Variants in ANKRD27 observed in about 807,000 individuals in gnomAD.
The protein encoded by ANKRD27 is ankyrin repeat domain-containing protein 27.
Under a neutral mutation model 129.7 loss-of-function variants are expected in ANKRD27, and 112 were observed. The observed-to-expected ratio is 0.86, with a 90% CI of 0.74 to 1.01. The LOEUF is 1.01. ANKRD27 is among the 50% of genes least tolerant of loss of function. ANKRD27 has a pLI of 0.00. For synonymous variants in ANKRD27, 516 were observed against 511.2 expected (o/e 1.01, Z -0.13); for missense variants, 1,258 against 1,300.5 (o/e 0.97, Z 0.50).
intron 26 of ANKRD27, among the ~76,000 whole-genome samples, chr19:32,600,494 T>C (rs1971635749): frequency 6.6e-6 from 1 of 152,080 alleles, no homozygotes; most frequent in African/African-American, 2.4e-5. Context: ...TGAGCCGAGA[T>C]TGCACCACCA....
intron 22 of ANKRD27, among the ~76,000 whole-genome samples, chr19:32,612,782 C>A (rs774956526): frequency 2.6e-5 from 4 of 152,158 alleles, no homozygotes; most frequent in Non-Finnish European, 4.4e-5. Context: ...CTAAATCTCA[C>A]ACTTTGAGTA....
rs115651827 is a variant in ANKRD27, at chr19:32,661,364, G to A, written c.-30-2319C>T. Reference sequence around the variant, plus strand: ...TTTTGAGACAGGGTTTCACACTGTCGCCCAGGCTAGAGCTGGAGTCCAATG... The same window carrying A: ...TTTTGAGACAGGGTTTCACACTGTCACCCAGGCTAGAGCTGGAGTCCAATG... On this transcript the variant is annotated intron_variant, in intron 1 of 28. Transcript: ENST00000306065. Among the ~76,000 whole-genome samples the A allele has an allele frequency of 5.4e-3, 813 of 151,950 alleles. 4 individuals carry two copies. The highest frequency in any genetic ancestry group is 0.018 in the African/African-American group (754 of 41,420).
rs575404535 is a variant in ANKRD27, at chr19:32,609,266, A to G, written c.2176-1434T>C. 2.6e-3 allele frequency among the ~76,000 whole-genome samples: 399 copies of G among 152,262 alleles called. 1 individual carries two copies. Among genetic ancestry groups the G allele is most frequent in the African/African-American group, 9.3e-3 (385 of 41,554 alleles). ...CATATCCTTACTATATAATCCAGCAATTATACTCCTAGGTGTTTACCCAAC... is the reference window on the plus strand; with the variant it reads ...CATATCCTTACTATATAATCCAGCAGTTATACTCCTAGGTGTTTACCCAAC... On this transcript the variant is annotated intron_variant, in intron 22 of 28. Transcript: ENST00000306065.
chr19:32,611,860 C>G lies in ANKRD27; in HGVS notation c.2175+3798G>C, dbSNP rs74558262. Among the ~76,000 whole-genome samples the G allele has an allele frequency of 2.0e-5, 3 of 152,214 alleles. No individual in the cohort carries two copies. The South Asian group carries it at 6.2e-4, about 32-fold the overall frequency. On this transcript the variant is annotated intron_variant, in intron 22 of 28. Coordinates refer to ENST00000306065, the MANE Select transcript of ANKRD27 (RefSeq NM_032139.3). ...CCTCCCAAAGTGCTGGGATTACAGG[C>G]GTGAGCCATCGTGCCCGGCCAAATT...
chr19:32,599,863 TTAG>T (rs1971624911), intron 27 of ANKRD27, 87 bp from the exon 28 acceptor site: 1 of 1,521,198 alleles, frequency 6.6e-7, no homozygotes, highest in South Asian at 1.1e-5. Context: ...ATTTTTGACA[TTAG>T]TAGGTGCAGA....
rs560007927 is a variant in ANKRD27, at chr19:32,659,727, G to A, written c.-30-682C>T. On this transcript the variant is annotated intron_variant, in intron 1 of 28. Coordinates refer to ENST00000306065, the MANE Select transcript of ANKRD27 (RefSeq NM_032139.3). ...TTAAGGAATCGTCACATTTTGCCATGTTTGCCTCAGATTTTCTTTTAAGAA... is the reference window on the plus strand; with the variant it reads ...TTAAGGAATCGTCACATTTTGCCATATTTGCCTCAGATTTTCTTTTAAGAA... 2.2e-3 allele frequency among the ~76,000 whole-genome samples: 334 copies of A among 152,124 alleles called. 1 individual carries two copies. The highest frequency in any genetic ancestry group is 6.8e-3 in the Middle Eastern group (2 of 294).
In ANKRD27 at chr19:32,600,007, T is replaced by C; in HGVS notation, c.2811A>G (p.Arg937=). The C allele has an allele frequency of 6.2e-7, 1 of 1,613,240 alleles. No homozygotes were observed. Among genetic ancestry groups the C allele is most frequent in the Non-Finnish European group, 8.5e-7 (1 of 1,179,356 alleles). Residue 937 remains arginine, a synonymous_variant, in exon 27 of 29, where the codon AGA becomes AGG. Transcript: ENST00000306065. ...CAGCTGAGTGGACAAAGTAAAACTG[T>C]CTTGTAAAAGGCTCATCTGGTAGAT... The part of the protein sequence containing the change: ...LYDLPDEPFT[R]QFYFVHSAGQ...
intron 1 of ANKRD27, 65 bp from the exon 2 acceptor site, chr19:32,659,110 G>T: frequency 1.4e-6 from 1 of 717,252 alleles, no homozygotes; most frequent in Non-Finnish European, 2.4e-6. Flanking sequence ...ATGAAAGTCT[G>T]CATCTGATGC....
rs1599747763 is a variant in ANKRD27 at position 32,625,820 on chromosome 19, C to G, written c.1629+54G>C. The stretch of plus-strand genomic sequence containing the variant: ...ACATTAATGAGAAATCCCGACTTCT[C>G]TACGAGTGGGAAAGGGTGAACGCAG... On this transcript the variant is annotated intron_variant, in intron 17 of 28. Coordinates refer to ENST00000306065, the MANE Select transcript of ANKRD27 (RefSeq NM_032139.3). 8 of 1,375,664 alleles carry G rather than the reference C, an allele frequency of 5.8e-6. No individual in the cohort carries two copies. In the East Asian group the frequency reaches 2.0e-4, roughly 35 times the overall value. 85.2% of individuals were successfully genotyped at this position (1,375,664 alleles called of 1,614,324 possible).
At position 32,597,329 on chromosome 19, in the gene ANKRD27, T is replaced by A. The variant is rs1176978921; in HGVS notation, c.*816A>T. ...CTCTGACCTGGTTTGTGCTGTTAAGTTTTGAATTTGAATCAAAAGACTAAG... is the reference window on the plus strand; with the variant it reads ...CTCTGACCTGGTTTGTGCTGTTAAGATTTGAATTTGAATCAAAAGACTAAG... On this transcript the variant is annotated 3_prime_UTR_variant, in exon 29 of 29. Coordinates refer to ENST00000306065, the MANE Select transcript of ANKRD27 (RefSeq NM_032139.3). 1 of 152,586 alleles carries A rather than the reference T, an allele frequency of 6.6e-6. No individual in the cohort carries two copies. Among genetic ancestry groups the A allele is most frequent in the African/African-American group, 2.4e-5 (1 of 41,438 alleles). 9.5% of individuals were successfully genotyped at this position (152,586 alleles called of 1,614,324 possible).
rs1201239691 is a variant in ANKRD27, at chr19:32,598,226, T to G, written c.3072A>C (p.Val1024=). 1 of 1,614,198 alleles carries G rather than the reference T, an allele frequency of 6.2e-7. No homozygotes were observed. The highest frequency in any genetic ancestry group is 1.7e-5 in the Admixed American group (1 of 60,014). Residue 1024 remains valine (V), a synonymous_variant, in exon 29 of 29, where the codon GTA becomes GTC. Transcript: ENST00000306065. ...GHRRMLRRHT[V]EDAVVSQGPE... is the part of the protein sequence containing the mutation. ...GGCCCTGGGACACGACCGCATCCTC[T>G]ACCGTGTGTCTCCGCAGCATCCGTC...
chr19:32,635,275 C>T (rs1295547500), intron 12 of ANKRD27, among the ~76,000 whole-genome samples: 1 of 152,160 alleles, frequency 6.6e-6, no homozygotes, highest in Non-Finnish European at 1.5e-5. Context: ...CAATCTGTTT[C>T]TTGCCCTGCA....
intron 12 of ANKRD27, among the ~76,000 whole-genome samples, chr19:32,636,744 T>G (rs868039170): frequency 1.6e-5 from 2 of 128,736 alleles, no homozygotes; most frequent in Admixed American, 1.5e-4. Context: ...TATATATTTT[T>G]TATATATATA....
intron 2 of ANKRD27, among the ~76,000 whole-genome samples, chr19:32,651,977 T>A (rs955797941): frequency 6.6e-6 from 1 of 152,174 alleles, no homozygotes; most frequent in Non-Finnish European, 1.5e-5. Flanking sequence ...GAGCATTTCA[T>A]AGCAACCAGA....
At position 32,597,833 on chromosome 19, in the gene ANKRD27, C is replaced by G; in HGVS notation, c.*312G>C. 2.5e-6 allele frequency: 1 copy of G among 394,362 alleles called. No individual in the cohort carries two copies. The highest frequency in any genetic ancestry group is 2.8e-5 in the South Asian group (1 of 35,532). The allele number at this position is 394,362 out of a possible 1,614,324, so 24.4% of individuals were successfully genotyped here. On this transcript the variant is annotated 3_prime_UTR_variant, in exon 29 of 29. Transcript: ENST00000306065. Reference sequence around the variant, plus strand: ...AGGAGGTCAGAATGCGGTGGTGAAACCTCTCCCACTGTGACCAACAAACCC... The same window carrying G: ...AGGAGGTCAGAATGCGGTGGTGAAAGCTCTCCCACTGTGACCAACAAACCC...
chr19:32,623,581 G>A (rs557379206), intron 17 of ANKRD27, among the ~76,000 whole-genome samples: 1 of 147,276 alleles, frequency 6.8e-6, no homozygotes, highest in Non-Finnish European at 1.5e-5. Flanking sequence ...ACACAGTCTC[G>A]CTCTGTCGCC....
intron 1 of ANKRD27, among the ~76,000 whole-genome samples, chr19:32,674,339 C>T (rs1436462072): frequency 6.6e-6 from 1 of 152,142 alleles, no homozygotes; most frequent in Non-Finnish European, 1.5e-5. Context: ...GCCCTCGTTC[C>T]CTGCATGCTC....
intron 4 of ANKRD27, among the ~76,000 whole-genome samples, chr19:32,645,470 G>A (rs929953514): frequency 1.3e-5 from 2 of 151,876 alleles, no homozygotes. Context: ...ATAGGGTCTT[G>A]TTCTGTAGCC....
intron 2 of ANKRD27, among the ~76,000 whole-genome samples, chr19:32,655,707 C>A (rs1347759012): frequency 6.6e-6 from 1 of 151,896 alleles, no homozygotes; most frequent in Non-Finnish European, 1.5e-5. Context: ...AAATTGAGAA[C>A]GCCGTCTCTA....
Sources: gnomAD v4.1 joint callset for allele counts (sites outside exome capture counted in the v4.1 genomes callset) on GRCh38, gnomAD v4.1.1 for gene constraint, MANE v1.5 for transcripts, NCBI Gene and HGNC (gene_info 2026-07-23, HGNC 2026-07-21) for gene names.